Variants in VARS1 observed in about 807,000 individuals in gnomAD.
VARS1 encodes valine--tRNA ligase.
In VARS1, 92 loss-of-function variants were observed where a neutral mutation model predicts 161.0. The observed-to-expected ratio is 0.57, with a 90% CI of 0.48 to 0.68. The LOEUF (loss-of-function observed/expected upper bound fraction) is 0.68. VARS1 is among the 30% of genes least tolerant of loss of function. VARS1 has a pLI of 0.00. For synonymous variants in VARS1, 595 were observed against 682.5 expected, an observed-to-expected ratio of 0.87 and a Z score of 2.00; for missense variants, 1,338 against 1,695.9, an observed-to-expected ratio of 0.79 and a Z score of 3.71.
chr6:31,780,527 G>A lies in VARS1; in HGVS notation c.2839C>T (p.Arg947Cys), dbSNP rs1347491282. 5 of 1,613,910 alleles carry A rather than the reference G, an allele frequency of 3.1e-6. No homozygotes were observed. Among genetic ancestry groups the A allele is most frequent in the East Asian group, 2.2e-5 (1 of 44,896 alleles). ...NLDVNRILGY[R>C]HFCNKLWNAT... ...TTCCAGAGCTTGTTGCAGAAGTGGC[G>A]GTAACCCAGTATCCGGTTCACATCC... is the stretch of plus-strand genomic sequence containing the variant. Residue 947 changes from arginine to cysteine, a missense_variant, in exon 25 of 30, where the codon CGC (arginine) becomes TGC (cysteine). Coordinates refer to ENST00000375663, the MANE Select transcript of VARS1 (RefSeq NM_006295.3). This position sits in a 1 kb window ranked among gnomAD's most constrained non-coding sequence, Gnocchi z 5.1.
chr6:31,779,551 AG>A lies in VARS1; in HGVS notation c.3289-16del, dbSNP rs755865366. On this transcript the variant is annotated splice_polypyrimidine_tract_variant and intron_variant, in intron 27 of 29. Transcript: ENST00000375663. This position sits in a 1 kb window ranked among gnomAD's most constrained non-coding sequence, Gnocchi z 9.1. Reference sequence around the variant, plus strand: ...TTCCAGGAGCACTGTGGGGTGGAGGAGGGGGTGAGGGGGCCTGGAGGGCAGG... The same window carrying A: ...TTCCAGGAGCACTGTGGGGTGGAGGAGGGGTGAGGGGGCCTGGAGGGCAGG... The A allele has an allele frequency of 1.1e-5, 16 of 1,463,780 alleles. No homozygotes were observed. Among genetic ancestry groups the A allele is most frequent in the Admixed American group, 1.7e-5 (1 of 58,246 alleles). The allele number at this position is 1,463,780 out of a possible 1,614,324, so 90.7% of individuals were successfully genotyped here. A position where few individuals can be genotyped will look rare whatever the true frequency, so the allele number is the denominator to read the frequency against.
chr6:31,792,162 G>C, intron 6 of VARS1, 55 bp downstream of exon 6: 7 of 1,595,054 alleles, frequency 4.4e-6, no homozygotes, highest in Non-Finnish European at 6.0e-6. Flanking sequence ...GAGCAAGATA[G>C]GGTGAAAACT....
At position 31,791,856 on chromosome 6, in the gene VARS1, G is replaced by T; in HGVS notation, c.972+15C>A. The T allele has an allele frequency of 6.2e-7, 1 of 1,611,244 alleles. No homozygotes were observed. The highest frequency in any genetic ancestry group is 1.7e-4 in the Middle Eastern group (1 of 6,046). ...ACCCCACCCACTCTGGGCCTGGGCA[G>T]CAGTGCCTACTCACCCCATACTCTG... On this transcript the variant is annotated intron_variant, in intron 7 of 29. Transcript: ENST00000375663. This position sits in a 1 kb window ranked among gnomAD's most constrained non-coding sequence, Gnocchi z 5.0.
rs115320814 is a variant in VARS1, at chr6:31,783,115, C to T, written c.1743G>A (p.Val581=). The T allele has an allele frequency of 8.6e-4, 1,393 of 1,612,766 alleles. 12 individuals carry two copies. In the African/African-American group the frequency reaches 0.016, roughly 19 times the overall value. The change falls in exon 14 of 30, where the codon GTG becomes GTA. Residue 581 remains valine, a synonymous_variant. Coordinates refer to ENST00000375663, the MANE Select transcript of VARS1 (RefSeq NM_006295.3). Reference sequence around the variant, plus strand: ...GCCCACCTGTGCCAAAGTCCATGTCCACAAATTCATCGAAGACAATGGGAA... The same window carrying T: ...GCCCACCTGTGCCAAAGTCCATGTCTACAAATTCATCGAAGACAATGGGAA... ...RSLPIVFDEF[V]DMDFGTGAVK... is the part of the protein sequence containing the mutation.
chr6:31,793,165 C>A (rs1482885102), intron 2 of VARS1, 45 bp from the exon 3 acceptor site: 1 of 1,548,664 alleles, frequency 6.5e-7, no homozygotes, highest in African/African-American at 1.4e-5. Context: ...TGGCCCACCT[C>A]CATCTCCCAC....
At position 31,778,419 on chromosome 6, in the gene VARS1, C is replaced by T. The variant is rs933773175; in HGVS notation, c.3726+548G>A. On this transcript the variant is annotated intron_variant, in intron 29 of 29. Coordinates refer to ENST00000375663, the MANE Select transcript of VARS1 (RefSeq NM_006295.3). This position sits in a 1 kb window ranked among gnomAD's most constrained non-coding sequence, Gnocchi z 5.1. The stretch of plus-strand genomic sequence containing the variant: ...TGTAAGGGGAGGGCCTTCTATGGTC[C>T]CTGCTCAAAGCGCCTGGGCTCCATG... Among the ~76,000 whole-genome samples, 4 of 152,198 alleles carry T rather than the reference C, an allele frequency of 2.6e-5. No homozygotes were observed. Among genetic ancestry groups the T allele is most frequent in the Non-Finnish European group, 5.9e-5 (4 of 68,028 alleles).
chr6:31,782,267 A>G lies in VARS1; in HGVS notation c.2150+18T>C. ...TCAGCCCTCGGCAAGCCCCTCCCAC[A>G]CTGAGGACCCTACACACCGGATGTT... On this transcript the variant is annotated intron_variant, in intron 17 of 29. Transcript: ENST00000375663. The surrounding 1 kb of genome is among the most constrained non-coding windows in gnomAD (Gnocchi z 8.3). 6.2e-7 allele frequency: 1 copy of G among 1,611,156 alleles called. No homozygotes were observed. The highest frequency in any genetic ancestry group is 1.3e-5 in the African/African-American group (1 of 74,988).
chr6:31,785,315 C>T lies in VARS1; in HGVS notation c.1278G>A (p.Arg426=). ...VWKWKEEKGD[R]IYHQLKKLGS... is the part of the protein sequence containing the mutation. Reference sequence around the variant, plus strand: ...CAAGCTTCTTCAACTGGTGGTAAATCCGGTCACCTTTCCTGGAAGCAGACA... The same window carrying T: ...CAAGCTTCTTCAACTGGTGGTAAATTCGGTCACCTTTCCTGGAAGCAGACA... Residue 426 remains arginine, a synonymous_variant, in exon 10 of 30, where the codon CGG becomes CGA. Coordinates refer to ENST00000375663, the MANE Select transcript of VARS1 (RefSeq NM_006295.3). The surrounding 1 kb of genome is among the most constrained non-coding windows in gnomAD (Gnocchi z 6.1). 6.2e-7 allele frequency: 1 copy of T among 1,613,068 alleles called. No homozygotes were observed. Among genetic ancestry groups the T allele is most frequent in the East Asian group, 2.2e-5 (1 of 44,880 alleles).
intron 14 of VARS1, 82 bp downstream of exon 14, chr6:31,783,014 T>C: frequency 1.3e-6 from 2 of 1,561,990 alleles, no homozygotes; most frequent in East Asian, 2.3e-5. Context: ...GAAGCTTATT[T>C]TCTTTTTCTC....
intron 8 of VARS1, among the ~76,000 whole-genome samples, chr6:31,789,197 A>T (rs1167840019): frequency 6.6e-6 from 1 of 152,152 alleles, no homozygotes; most frequent in African/African-American, 2.4e-5. Context: ...ATACAACAAA[A>T]ACATTTACAA....
In VARS1 at chr6:31,784,737, C is replaced by T. The variant is rs181746359; in HGVS notation, c.1348-23G>A. On this transcript the variant is annotated intron_variant, in intron 10 of 29. Coordinates refer to ENST00000375663, the MANE Select transcript of VARS1 (RefSeq NM_006295.3). This position sits in a 1 kb window ranked among gnomAD's most constrained non-coding sequence, Gnocchi z 6.1. The stretch of plus-strand genomic sequence containing the variant: ...TTTCTGGGGTGGAGGAGGGAGAAGT[C>T]AGAGAGATGGGCCTTGTGCCTGGAG... The T allele has an allele frequency of 6.2e-7, 1 of 1,612,672 alleles. No individual in the cohort carries two copies. The highest frequency in any genetic ancestry group is 2.2e-5 in the East Asian group (1 of 44,872).
Position 31,779,184 on chromosome 6 carries a change from G to A in VARS1, c.3509C>T (p.Ala1170Val), listed in dbSNP as rs370974355. The A allele has an allele frequency of 1.9e-6, 3 of 1,604,530 alleles. No homozygotes were observed. Among genetic ancestry groups the A allele is most frequent in the East Asian group, 2.2e-5 (1 of 44,720 alleles). Residue 1170 changes from alanine to valine, a missense_variant, in exon 29 of 30, where the codon GCT becomes GTT. This residue lies in a region of VARS1 where 433 missense variants were observed against 586.2 expected (regional missense o/e 0.74). Coordinates refer to ENST00000375663, the MANE Select transcript of VARS1 (RefSeq NM_006295.3). This position sits in a 1 kb window ranked among gnomAD's most constrained non-coding sequence, Gnocchi z 9.1. ...CACAGCGCAACCCTGGGGGGCGGGA[G>A]CCCCCAGGGCCAGAACAGCCACCAC... ...AGVVAVLALG[A>V]PAPQGCAVAL...
Position 31,779,200 on chromosome 6 carries a change from C to G in VARS1, c.3493G>C (p.Val1165Leu), listed in dbSNP as rs1331528732. ...QALASAGVVAVLALGAPAPQG... is the reference protein window; with the variant it reads ...QALASAGVVALLALGAPAPQG... ...GGGGCGGGAGCCCCCAGGGCCAGAA[C>G]AGCCACCACACCTGCGCTGGCCAGG... is the stretch of plus-strand genomic sequence containing the variant. The change falls in exon 29 of 30, where the codon GTT (valine) becomes CTT (leucine). Residue 1165 changes from valine (V) to leucine (L), a missense_variant. Transcript: ENST00000375663. This position sits in a 1 kb window ranked among gnomAD's most constrained non-coding sequence, Gnocchi z 9.1. 6.2e-7 allele frequency: 1 copy of G among 1,607,286 alleles called. No homozygotes were observed.
At position 31,785,147 on chromosome 6, in the gene VARS1, T is replaced by A; in HGVS notation, c.1347+99A>T. 9 of 1,439,846 alleles carry A rather than the reference T, an allele frequency of 6.3e-6. No individual in the cohort carries two copies. The highest frequency in any genetic ancestry group is 8.7e-6 in the Non-Finnish European group (9 of 1,032,168). The allele number at this position is 1,439,846 out of a possible 1,614,324, so 89.2% of individuals were successfully genotyped here. The stretch of plus-strand genomic sequence containing the variant: ...TCCATGGTGTTTTACATGGGCCAGC[T>A]CCTGAGAGAGGGCCACAACACCTCT... On this transcript the variant is annotated intron_variant, in intron 10 of 29. Coordinates refer to ENST00000375663, the MANE Select transcript of VARS1 (RefSeq NM_006295.3). The surrounding 1 kb of genome is among the most constrained non-coding windows in gnomAD (Gnocchi z 6.1).
intron 8 of VARS1, among the ~76,000 whole-genome samples, chr6:31,786,491 A>T (rs796471773): frequency 1.2e-3 from 186 of 151,914 alleles, no homozygotes; most frequent in African/African-American, 4.2e-3. Flanking sequence ...ACATGGCAAG[A>T]CCCTGTCTCT....
Position 31,795,157 on chromosome 6 carries a change from C to G in VARS1, c.61G>C (p.Ala21Pro). Residue 21 changes from alanine to proline, a missense_variant, in exon 2 of 30, where the codon GCC becomes CCC. Transcript: ENST00000375663. This position sits in a 1 kb window ranked among gnomAD's most constrained non-coding sequence, Gnocchi z 6.9. ...DAFPSLRALI[A>P]ARYGEAGEGP... Reference sequence around the variant, plus strand: ...TCCCCAGCCTCCCCATAGCGAGCGGCTATGAGGGCTCGGAGGCTGGGGAAG... The same window carrying G: ...TCCCCAGCCTCCCCATAGCGAGCGGGTATGAGGGCTCGGAGGCTGGGGAAG... The G allele has an allele frequency of 6.7e-7, 1 of 1,482,032 alleles. No homozygotes were observed. The highest frequency in any genetic ancestry group is 2.3e-5 in the Admixed American group (1 of 43,050). The allele number at this position is 1,482,032 out of a possible 1,614,324, so 91.8% of individuals were successfully genotyped here. A position where few individuals can be genotyped will look rare whatever the true frequency, so the allele number is the denominator to read the frequency against.
Position 31,784,525 on chromosome 6 carries a change from C to A in VARS1, c.1468-23G>T. On this transcript the variant is annotated intron_variant, in intron 11 of 29. Transcript: ENST00000375663. The surrounding 1 kb of genome is among the most constrained non-coding windows in gnomAD (Gnocchi z 6.1). Reference sequence around the variant, plus strand: ...CACCTGTAAAATGGGTATTTAGAGGCGTGGCCCAGGGGCCAGGGCCAGGGC... The same window carrying A: ...CACCTGTAAAATGGGTATTTAGAGGAGTGGCCCAGGGGCCAGGGCCAGGGC... The A allele has an allele frequency of 6.2e-7, 1 of 1,613,826 alleles. No individual in the cohort carries two copies.
chr6:31,782,796 C>G lies in VARS1; in HGVS notation c.1812G>C (p.Gly604=), dbSNP rs1314906193. ...TGATGGCCTCCAGCCCGTGCCGCTG[C>G]CCAACTTCATAGTCATTTTGGTCAT... is the stretch of plus-strand genomic sequence containing the variant. ...PAHDQNDYEV[G]QRHGLEAISI... is the part of the protein sequence containing the mutation. The change falls in exon 15 of 30, where the codon GGG becomes GGC. Residue 604 remains glycine, a synonymous_variant. Transcript: ENST00000375663. This position sits in a 1 kb window ranked among gnomAD's most constrained non-coding sequence, Gnocchi z 8.3. 1 of 1,612,998 alleles carries G rather than the reference C, an allele frequency of 6.2e-7. No individual in the cohort carries two copies. The highest frequency in any genetic ancestry group is 2.2e-5 in the East Asian group (1 of 44,880).
At position 31,781,664 on chromosome 6, in the gene VARS1, C is replaced by T. The variant is rs375854405; in HGVS notation, c.2418+27G>A. ...ACACCCACCCTCCAGTCCCCTGTCC[C>T]GCCAAGCCCCGGCCCCAGGAACACA... On this transcript the variant is annotated intron_variant, in intron 20 of 29. Coordinates refer to ENST00000375663, the MANE Select transcript of VARS1 (RefSeq NM_006295.3). The surrounding 1 kb of genome is among the most constrained non-coding windows in gnomAD (Gnocchi z 6.8). 12 of 1,612,766 alleles carry T rather than the reference C, an allele frequency of 7.4e-6. No individual in the cohort carries two copies. The highest frequency in any genetic ancestry group is 4.0e-5 in the African/African-American group (3 of 74,882).
Sources: gnomAD v4.1 joint callset for allele counts (sites outside exome capture counted in the v4.1 genomes callset) on GRCh38, gnomAD v4.1.1 for gene constraint, gnomAD v4.1.1 regional missense constraint, Gnocchi (gnomAD v3.1) non-coding constraint, MANE v1.5 for transcripts, NCBI Gene and HGNC (gene_info 2026-07-23, HGNC 2026-07-21) for gene names.